FLRT2: variants seen among roughly 807,000 people sequenced by gnomAD.
The protein encoded by FLRT2 is fibronectin leucine rich transmembrane protein 2, also known as leucine-rich repeat transmembrane protein FLRT2.
In FLRT2, 15 loss-of-function variants were observed where a neutral mutation model predicts 40.0. The observed-to-expected ratio is 0.38, with a 90% CI of 0.25 to 0.58. FLRT2 has a LOEUF of 0.58. FLRT2 is among the 20% of genes least tolerant of loss of function. FLRT2 has a pLI of 0.71. For synonymous variants in FLRT2, 380 were observed against 336.8 expected (o/e 1.13, Z -1.41); for missense variants, 726 against 840.0 (o/e 0.86, Z 1.68).
chr14:85,572,345 A>T (rs1342465515), intron 1 of FLRT2, among the ~76,000 whole-genome samples: 3 of 152,146 alleles, frequency 2.0e-5, no homozygotes, highest in African/African-American at 7.2e-5. Flanking sequence ...TGGGCTATTC[A>T]TCAGGAGCTG....
At position 85,635,952 on chromosome 14, in the gene FLRT2, TA is replaced by T. The variant is rs1893989135; in HGVS notation, c.*12456del. On this transcript the variant is annotated 3_prime_UTR_variant, in exon 2 of 2. Coordinates refer to ENST00000330753, the MANE Select transcript of FLRT2 (RefSeq NM_013231.6). Reference sequence around the variant, plus strand: ...TTATTAAAGATGTTTATATAATTTTTATATAATACACACTTCCAATAATTGA... The same window carrying T: ...TTATTAAAGATGTTTATATAATTTTTTATAATACACACTTCCAATAATTGA... 6.6e-6 allele frequency: 1 copy of T among 152,128 alleles called. No individual in the cohort carries two copies. Among genetic ancestry groups the T allele is most frequent in the Non-Finnish European group, 1.5e-5 (1 of 67,976 alleles). 9.4% of individuals were successfully genotyped at this position (152,128 alleles called of 1,614,324 possible). A position where few individuals can be genotyped will look rare whatever the true frequency, so the allele number is the denominator to read the frequency against.
rs1263011006 is a variant in FLRT2 at position 85,649,820 on chromosome 14, AT to A, written c.*26329del. ...GTGTTTTTGGTAAAGGCAATAAATT[AT>A]TTTTTAATGTACATCTTATACACAT... On this transcript the variant is annotated 3_prime_UTR_variant, in exon 2 of 2. Coordinates refer to ENST00000330753, the MANE Select transcript of FLRT2 (RefSeq NM_013231.6). 1 of 152,054 alleles carries A rather than the reference AT, an allele frequency of 6.6e-6. No homozygotes were observed. Among genetic ancestry groups the A allele is most frequent in the Non-Finnish European group, 1.5e-5 (1 of 67,966 alleles). 9.4% of individuals were successfully genotyped at this position (152,054 alleles called of 1,614,324 possible). A position where few individuals can be genotyped will look rare whatever the true frequency, so the allele number is the denominator to read the frequency against.
At chr14:85,580,597 G>C (rs1245125646) in intron 1 of FLRT2, among the ~76,000 whole-genome samples, 1 of 152,158 alleles carries the variant, frequency 6.6e-6, no homozygotes, top group Non-Finnish European at 1.5e-5. Flanking sequence ...TGTTCAAAGA[G>C]AAGAAAACAC....
At position 85,540,816 on chromosome 14, in the gene FLRT2, C is replaced by T. The variant is rs943503934; in HGVS notation, c.-377+10282C>T. Among the ~76,000 whole-genome samples the T allele has an allele frequency of 4.0e-5, 6 of 151,810 alleles. No individual in the cohort carries two copies. In the East Asian group the frequency reaches 7.7e-4, roughly 20 times the overall value. ...AACATGGAAAATTACTTGCATAGTT[C>T]GGCAAAATTAATCTGAATACCTTTT... On this transcript the variant is annotated intron_variant, in intron 1 of 1. Coordinates refer to ENST00000330753, the MANE Select transcript of FLRT2 (RefSeq NM_013231.6).
At chr14:85,606,650 G>A (rs1416645704) in intron 1 of FLRT2, among the ~76,000 whole-genome samples, 1 of 150,124 alleles carries the variant, frequency 6.7e-6, no homozygotes, top group Non-Finnish European at 1.5e-5. Context: ...TCAGCCTGCC[G>A]AGTAGCTTGG....
chr14:85,533,707 G>C (rs1188491387), intron 1 of FLRT2, among the ~76,000 whole-genome samples: 1 of 151,978 alleles, frequency 6.6e-6, no homozygotes, highest in Admixed American at 6.6e-5. Context: ...GGCGGAGGAC[G>C]GGGGAAGACG....
chr14:85,622,466 A>G lies in FLRT2; in HGVS notation c.952A>G (p.Ile318Val). ...TAACCCTTGGTTTTGTGACTGCAGT[A>G]TTAAATGGGTCACAGAATGGCTCAA... ...RNNPWFCDCS[I>V]KWVTEWLKYI... The change falls in exon 2 of 2, where the codon ATT (isoleucine) becomes GTT (valine). Residue 318 changes from isoleucine (I) to valine (V), a missense_variant. Transcript: ENST00000330753. 2 of 1,614,168 alleles carry G rather than the reference A, an allele frequency of 1.2e-6. No individual in the cohort carries two copies. Among genetic ancestry groups the G allele is most frequent in the East Asian group, 2.2e-5 (1 of 44,868 alleles).
At chr14:85,608,964 G>A (rs1450281074) in intron 1 of FLRT2, among the ~76,000 whole-genome samples, 2 of 152,164 alleles carry the variant, frequency 1.3e-5, no homozygotes, top group Admixed American at 6.5e-5. Context: ...ATCCTGGAAG[G>A]CCAGGCAGAT....
chr14:85,609,515 C>G (rs1240300502), intron 1 of FLRT2, among the ~76,000 whole-genome samples: 1 of 152,230 alleles, frequency 6.6e-6, no homozygotes, highest in East Asian at 1.9e-4. Flanking sequence ...ATGGAGGTGG[C>G]TGTTTCACCG....
intron 1 of FLRT2, among the ~76,000 whole-genome samples, chr14:85,589,979 C>T (rs992096546): frequency 1.3e-5 from 2 of 151,898 alleles, no homozygotes; most frequent in African/African-American, 4.8e-5. Context: ...ATGCCAGTAC[C>T]ACGCTGTTTT....
At chr14:85,535,273 G>T (rs1343527008) in intron 1 of FLRT2, among the ~76,000 whole-genome samples, 1 of 151,890 alleles carries the variant, frequency 6.6e-6, no homozygotes, top group Non-Finnish European at 1.5e-5. Flanking sequence ...TAATCTGAAG[G>T]CTAGCTTCCA....
At chr14:85,586,787 C>T (rs368229655) in intron 1 of FLRT2, among the ~76,000 whole-genome samples, 19 of 152,250 alleles carry the variant, frequency 1.2e-4, no homozygotes, top group East Asian at 9.7e-4. Flanking sequence ...GAAATTTTAA[C>T]GCCATTCAGG....
chr14:85,588,668 T>C (rs1182829992), intron 1 of FLRT2, among the ~76,000 whole-genome samples: 2 of 152,144 alleles, frequency 1.3e-5, no homozygotes, highest in African/African-American at 2.4e-5. Context: ...TAAGTTATTA[T>C]TCATCATAGT....
At position 85,623,026 on chromosome 14, in the gene FLRT2, A is replaced by G. The variant is rs768700854; in HGVS notation, c.1512A>G (p.Val504=). The change falls in exon 2 of 2, where the codon GTA becomes GTG. Residue 504 remains valine (V), a synonymous_variant. Transcript: ENST00000330753. ...VPLDAFNYRA[V]EDTICSEATT... is the part of the protein sequence containing the mutation. ...TGGATGCTTTTAACTACCGCGCGGT[A>G]GAAGACACCATTTGTTCAGAGGCCA... 7 of 1,614,218 alleles carry G rather than the reference A, an allele frequency of 4.3e-6. No homozygotes were observed. The highest frequency in any genetic ancestry group is 5.9e-6 in the Non-Finnish European group (7 of 1,180,032).
chr14:85,580,830 A>C (rs1891355388), intron 1 of FLRT2, among the ~76,000 whole-genome samples: 1 of 152,114 alleles, frequency 6.6e-6, no homozygotes, highest in Non-Finnish European at 1.5e-5. Flanking sequence ...CTTATATATC[A>C]AGGAGTAAAA....
At chr14:85,556,570 G>A (rs998236303) in intron 1 of FLRT2, among the ~76,000 whole-genome samples, 25 of 152,142 alleles carry the variant, frequency 1.6e-4, no homozygotes, top group African/African-American at 6.0e-4. Context: ...TGGTTGTGGA[G>A]GCAGACTCCC....
At chr14:85,573,687 AT>A (rs1890998747) in intron 1 of FLRT2, among the ~76,000 whole-genome samples, 1 of 152,114 alleles carries the variant, frequency 6.6e-6, no homozygotes, top group African/African-American at 2.4e-5. Flanking sequence ...CAGGGGTTCT[AT>A]TCTTGGTTTT....
intron 1 of FLRT2, among the ~76,000 whole-genome samples, chr14:85,576,222 C>A (rs912779139): frequency 6.6e-6 from 1 of 152,118 alleles, no homozygotes; most frequent in Non-Finnish European, 1.5e-5. Context: ...CTCAGTTATC[C>A]GGGTTTCCTT....
chr14:85,566,985 A>G (rs893618273), intron 1 of FLRT2, among the ~76,000 whole-genome samples: 2 of 152,206 alleles, frequency 1.3e-5, no homozygotes, highest in African/African-American at 4.8e-5. Flanking sequence ...TCCATGGGTC[A>G]CACAAAATTT....
Sources: allele counts gnomAD v4.1 joint callset (sites outside exome capture counted in the v4.1 genomes callset), GRCh38; gene constraint gnomAD v4.1.1; transcripts MANE v1.5; gene names NCBI Gene and HGNC (gene_info 2026-07-23, HGNC 2026-07-21).